Variants in SOX5 observed in about 807,000 individuals in gnomAD.
The protein encoded by SOX5 is SRY-box transcription factor 5, also known as transcription factor SOX-5.
A neutral mutation model predicts 92.0 loss-of-function variants in SOX5; 9 were observed. That is an observed-to-expected ratio of 0.10 (90% CI 0.06 to 0.17). SOX5 has a LOEUF of 0.17. Ranked by LOEUF, SOX5 falls within the 10% of genes least tolerant of loss-of-function variation. SOX5 has a pLI of 1.00. For missense variants in SOX5, 642 were observed against 944.5 expected, an observed-to-expected ratio of 0.68 and a Z score of 4.20; for synonymous variants, 344 against 336.3, an observed-to-expected ratio of 1.02 and a Z score of -0.25.
intron 1 of SOX5, among the ~76,000 whole-genome samples, chr12:24,538,070 C>G (rs888826971): frequency 6.6e-6 from 1 of 152,210 alleles, no homozygotes; most frequent in African/African-American, 2.4e-5. Context: ...AAGCAATATT[C>G]TCCAAAGCTA....
Position 23,910,924 on chromosome 12 carries a change from C to T in SOX5, c.39-14900G>A, listed in dbSNP as rs922425553. On this transcript the variant is annotated intron_variant, in intron 1 of 14. Coordinates refer to ENST00000451604, the MANE Select transcript of SOX5 (RefSeq NM_006940.6). ...TTCAGATCCACCTCTTCACAACATT[C>T]GCAGCTGGTTTAGCTACAATAGCAA... Among the ~76,000 whole-genome samples the T allele has an allele frequency of 3.9e-5, 6 of 152,222 alleles. No homozygotes were observed. In the East Asian group the frequency reaches 5.8e-4, roughly 15 times the overall value.
At chr12:24,090,959 G>A (rs1701945914) in intron 4 of SOX5, among the ~76,000 whole-genome samples, 1 of 152,140 alleles carries the variant, frequency 6.6e-6, no homozygotes, top group South Asian at 2.1e-4. Flanking sequence ...ACACCTTATG[G>A]AAAAACTTGA....
intron 1 of SOX5, among the ~76,000 whole-genome samples, chr12:23,929,780 A>C (rs1000459857): frequency 6.6e-6 from 1 of 151,946 alleles, no homozygotes; most frequent in East Asian, 1.9e-4. Context: ...ACTTTTTAAG[A>C]CATAACACGA....
At chr12:24,140,448 AT>A (rs1190745099) in intron 4 of SOX5, among the ~76,000 whole-genome samples, 3 of 152,222 alleles carry the variant, frequency 2.0e-5, no homozygotes, top group Non-Finnish European at 2.9e-5. Flanking sequence ...TTTATCATGT[AT>A]ACCATTATAA....
chr12:23,608,350 T>C (rs1464388239), intron 8 of SOX5, among the ~76,000 whole-genome samples: 1 of 152,162 alleles, frequency 6.6e-6, no homozygotes, highest in Non-Finnish European at 1.5e-5. Flanking sequence ...ACTACCCTCA[T>C]ACCTGTACCT....
At chr12:24,093,999 C>A (rs866135134) in intron 4 of SOX5, among the ~76,000 whole-genome samples, 1 of 151,982 alleles carries the variant, frequency 6.6e-6, no homozygotes, top group South Asian at 2.1e-4. Flanking sequence ...CAGGCTGGAG[C>A]GCAATGGTGT....
At chr12:24,172,357 T>C (rs1954298290) in intron 4 of SOX5, among the ~76,000 whole-genome samples, 1 of 151,790 alleles carries the variant, frequency 6.6e-6, no homozygotes, top group African/African-American at 2.4e-5. Flanking sequence ...GGCAACATGG[T>C]GAAACCCTGT....
At chr12:24,129,367 T>C (rs1447042695) in intron 4 of SOX5, among the ~76,000 whole-genome samples, 1 of 152,152 alleles carries the variant, frequency 6.6e-6, no homozygotes, top group Non-Finnish European at 1.5e-5. Flanking sequence ...CGGACTCTAT[T>C]AACTACAATT....
rs576488892 is a variant in SOX5, at chr12:23,730,936, G to A, written c.810+3748C>T. Among the ~76,000 whole-genome samples the A allele has an allele frequency of 5.3e-4, 80 of 152,308 alleles. 1 individual carries two copies. In the South Asian group the frequency reaches 0.016, roughly 30 times the overall value. ...AACATTATGCCGGGGTGTGTTGTGA[G>A]GTTGCTTTCTGAGGAGATTAGCACG... On this transcript the variant is annotated intron_variant, in intron 6 of 14. Coordinates refer to ENST00000451604, the MANE Select transcript of SOX5 (RefSeq NM_006940.6).
chr12:23,785,037 G>A (rs1567737729), intron 3 of SOX5, among the ~76,000 whole-genome samples: 1 of 152,206 alleles, frequency 6.6e-6, no homozygotes, highest in Non-Finnish European at 1.5e-5. Flanking sequence ...AGCCATGATT[G>A]TGCCACTGCA....
intron 1 of SOX5, among the ~76,000 whole-genome samples, chr12:24,520,161 C>A (rs767235590): frequency 3.9e-5 from 6 of 151,984 alleles, no homozygotes; most frequent in Non-Finnish European, 7.4e-5. Flanking sequence ...CACCAGTAAA[C>A]CTCCCTGAAG....
At chr12:24,348,542 C>T (rs1198355360) in intron 2 of SOX5, among the ~76,000 whole-genome samples, 1 of 152,006 alleles carries the variant, frequency 6.6e-6, no homozygotes, top group Non-Finnish European at 1.5e-5. Flanking sequence ...GCTACCATGC[C>T]TGGCTAATTT....
At chr12:24,071,716 G>A (rs545537450) in intron 4 of SOX5, among the ~76,000 whole-genome samples, 1 of 152,294 alleles carries the variant, frequency 6.6e-6, no homozygotes, top group Admixed American at 6.5e-5. Flanking sequence ...TTACAGGCAT[G>A]AGCCACTGCC....
intron 3 of SOX5, among the ~76,000 whole-genome samples, chr12:24,255,084 G>T (rs1940913579): frequency 6.6e-6 from 1 of 152,054 alleles, no homozygotes; most frequent in South Asian, 2.1e-4. Context: ...TAAATCAAGG[G>T]TAGATAATAG....
chr12:24,096,495 T>C (rs1945431435), intron 4 of SOX5, among the ~76,000 whole-genome samples: 1 of 152,202 alleles, frequency 6.6e-6, no homozygotes, highest in Admixed American at 6.5e-5. Flanking sequence ...ACCATTCTAC[T>C]TCCTGTCTCT....
intron 4 of SOX5, among the ~76,000 whole-genome samples, chr12:23,956,499 C>A (rs1049724969): frequency 6.6e-6 from 1 of 151,980 alleles, no homozygotes; most frequent in Non-Finnish European, 1.5e-5. Flanking sequence ...GAGTCTAATG[C>A]CTGATGATCT....
intron 2 of SOX5, among the ~76,000 whole-genome samples, chr12:24,345,363 A>G (rs1192304425): frequency 2.0e-5 from 3 of 152,176 alleles, no homozygotes; most frequent in African/African-American, 7.2e-5. Flanking sequence ...ACCAACTTCC[A>G]AGCCAGCTCA....
chr12:24,265,305 G>C (rs1015379162), intron 3 of SOX5, among the ~76,000 whole-genome samples: 1 of 152,138 alleles, frequency 6.6e-6, no homozygotes, highest in Non-Finnish European at 1.5e-5. Context: ...TTAACATTTT[G>C]GTAAGTTGAG....
intron 6 of SOX5, among the ~76,000 whole-genome samples, chr12:23,716,568 A>G (rs978090608): frequency 6.6e-6 from 1 of 152,196 alleles, no homozygotes; most frequent in Admixed American, 6.5e-5. Context: ...GAAATTTTTA[A>G]AAAAGCCTTT....
Sources: gnomAD v4.1 joint callset for allele counts (sites outside exome capture counted in the v4.1 genomes callset) on GRCh38, gnomAD v4.1.1 for gene constraint, MANE v1.5 for transcripts, NCBI Gene and HGNC (gene_info 2026-07-23, HGNC 2026-07-21) for gene names.